RPA1: variants seen among roughly 807,000 people sequenced by gnomAD.
The protein encoded by RPA1 is replication protein A1, also known as replication protein A 70 kDa DNA-binding subunit.
RPA1 carries 49 observed loss-of-function variants against 83.0 expected under a neutral mutation model. The observed-to-expected ratio is 0.59, with a 90% CI of 0.47 to 0.75. The LOEUF is 0.75. RPA1 is among the 30% of genes least tolerant of loss of function. The pLI is 0.00. For synonymous variants in RPA1, 279 were observed against 281.8 expected (o/e 0.99, Z 0.10); for missense variants, 693 against 776.1 (o/e 0.89, Z 1.27).
In RPA1 at chr17:1,879,045, T is replaced by G. The variant is rs1477071199; in HGVS notation, c.743T>G (p.Leu248Arg). The G allele has an allele frequency of 6.2e-7, 1 of 1,614,178 alleles. No individual in the cohort carries two copies. Among genetic ancestry groups the G allele is most frequent in the Admixed American group, 1.7e-5 (1 of 60,020 alleles). ...FNEQVDKFFP[L>R]IEVNKVYYFS... is the part of the protein sequence containing the mutation. Reference sequence around the variant, plus strand: ...GAGCAAGTGGACAAGTTCTTTCCTCTTATTGAAGTGAACAAGGTATGGCCG... The same window carrying G: ...GAGCAAGTGGACAAGTTCTTTCCTCGTATTGAAGTGAACAAGGTATGGCCG... The change falls in exon 9 of 17, where the codon CTT becomes CGT. Residue 248 changes from leucine (L) to arginine (R), a missense_variant. Leu to Arg is a moderately radical substitution (Grantham distance 102). Coordinates refer to ENST00000254719, the MANE Select transcript of RPA1 (RefSeq NM_002945.5).
intron 15 of RPA1, among the ~76,000 whole-genome samples, chr17:1,894,582 A>C (rs1382298208): frequency 3.3e-5 from 5 of 152,208 alleles, no homozygotes; most frequent in Admixed American, 2.0e-4. Context: ...GGCGTTAGGT[A>C]CATTCACATT....
chr17:1,885,140 A>C (rs1014844084), intron 13 of RPA1, among the ~76,000 whole-genome samples: 2 of 152,196 alleles, frequency 1.3e-5, no homozygotes, highest in African/African-American at 2.4e-5. Flanking sequence ...TTATCAGCCA[A>C]GCTTATGCAA....
chr17:1,863,019 A>G (rs1212899469), intron 5 of RPA1, among the ~76,000 whole-genome samples: 2 of 147,306 alleles, frequency 1.4e-5, no homozygotes, highest in African/African-American at 5.0e-5. Flanking sequence ...TGCCCGGCCA[A>G]GATTTATTTA....
At chr17:1,863,244 C>T (rs1913054157) in intron 5 of RPA1, among the ~76,000 whole-genome samples, 1 of 128,182 alleles carries the variant, frequency 7.8e-6, no homozygotes, top group Admixed American at 7.8e-5. Context: ...ACGAGTCTCA[C>T]TCTGTCACCC....
chr17:1,834,247 G>A (rs1911725090), intron 1 of RPA1, among the ~76,000 whole-genome samples: 1 of 152,080 alleles, frequency 6.6e-6, no homozygotes, highest in Non-Finnish European at 1.5e-5. Flanking sequence ...TTTAGAGATG[G>A]GGTCTCACTC....
At chr17:1,835,064 C>G (rs1346046244) in intron 1 of RPA1, among the ~76,000 whole-genome samples, 4 of 152,074 alleles carry the variant, frequency 2.6e-5, no homozygotes, top group Admixed American at 1.3e-4. Context: ...GTTGTCCAGG[C>G]TGGTCTTGAA....
At chr17:1,875,552 T>A in intron 6 of RPA1, 109 bp from the exon 7 acceptor site, 1 of 1,183,068 alleles carries the variant, frequency 8.5e-7, no homozygotes, top group South Asian at 1.6e-5. Context: ...TCTCATGTTA[T>A]ATGATTTCAC....
Position 1,833,688 on chromosome 17 carries a change from C to T in RPA1, c.33+3562C>T, listed in dbSNP as rs1911705391. Among the ~76,000 whole-genome samples the T allele has an allele frequency of 4.0e-5, 6 of 151,450 alleles. No individual in the cohort carries two copies. The South Asian group carries it at 1.3e-3, about 32-fold the overall frequency. On this transcript the variant is annotated intron_variant, in intron 1 of 16. Coordinates refer to ENST00000254719, the MANE Select transcript of RPA1 (RefSeq NM_002945.5). Reference sequence around the variant, plus strand: ...TGGCCAACATGGAGAAACTCTGTCTCTATTAGAAATACAAAATTAGCCAGG... The same window carrying T: ...TGGCCAACATGGAGAAACTCTGTCTTTATTAGAAATACAAAATTAGCCAGG...
At chr17:1,849,572 G>A (rs898386035) in intron 4 of RPA1, among the ~76,000 whole-genome samples, 3 of 151,200 alleles carry the variant, frequency 2.0e-5, no homozygotes, top group African/African-American at 7.3e-5. Flanking sequence ...GATTACAGGC[G>A]TGAGCCACCG....
At chr17:1,844,424 C>T (rs1361755514) in intron 3 of RPA1, among the ~76,000 whole-genome samples, 154 bp from the exon 4 acceptor site, 2 of 152,130 alleles carry the variant, frequency 1.3e-5, no homozygotes, top group African/African-American at 4.8e-5. Context: ...TAACAGGCAG[C>T]AAAATACACA....
intron 5 of RPA1, among the ~76,000 whole-genome samples, chr17:1,859,645 C>G (rs550647259): frequency 1.3e-5 from 2 of 151,976 alleles, no homozygotes; most frequent in East Asian, 3.9e-4. Flanking sequence ...TTTTTTCTCT[C>G]CTAGAGACAA....
At chr17:1,855,958 G>T (rs73284325) in intron 5 of RPA1, among the ~76,000 whole-genome samples, 1,875 of 152,136 alleles carry the variant, frequency 0.012, 53 homozygotes, top group African/African-American at 0.043. Context: ...TTAAGTTCTT[G>T]AATTTATTAG....
intron 6 of RPA1, among the ~76,000 whole-genome samples, chr17:1,874,373 G>A (rs1313493030): frequency 1.3e-5 from 2 of 152,104 alleles, no homozygotes; most frequent in East Asian, 3.9e-4. Context: ...GGGCGTGGTG[G>A]TGCACACCTA....
At chr17:1,832,028 A>G (rs764430234) in intron 1 of RPA1, among the ~76,000 whole-genome samples, 12 of 149,214 alleles carry the variant, frequency 8.0e-5, no homozygotes, top group Non-Finnish European at 1.8e-4. Flanking sequence ...TTCTGGGTTC[A>G]GGCAGTTCTC....
At chr17:1,832,092 G>A (rs1390491170) in intron 1 of RPA1, among the ~76,000 whole-genome samples, 1 of 151,342 alleles carries the variant, frequency 6.6e-6, no homozygotes, top group Admixed American at 6.6e-5. Flanking sequence ...CCACACCTGC[G>A]TAATTTTTTG....
chr17:1,865,872 C>T (rs909193520), intron 5 of RPA1, among the ~76,000 whole-genome samples: 9 of 152,094 alleles, frequency 5.9e-5, no homozygotes, highest in Admixed American at 4.6e-4. Context: ...TGGGCTCAAG[C>T]GATTCTCCCA....
Position 1,888,682 on chromosome 17 carries a change from A to C in RPA1, c.1382A>C (p.Tyr461Ser), listed in dbSNP as rs1262499877. Reference protein sequence around the residue: ...ENLGQGDKPDYFSSVATVVYL... With the variant: ...ENLGQGDKPDSFSSVATVVYL... ...TGTTCTTTTCTCCCGAAGCCGGACT[A>C]CTTTAGTTCTGTGGCCACAGTGGTG... is the stretch of plus-strand genomic sequence containing the variant. The change falls in exon 14 of 17, where the codon TAC becomes TCC. Residue 461 changes from tyrosine to serine, a missense_variant. Tyr to Ser is a moderately radical substitution (Grantham distance 144, BLOSUM62 -2). Coordinates refer to ENST00000254719, the MANE Select transcript of RPA1 (RefSeq NM_002945.5). 6.2e-7 allele frequency: 1 copy of C among 1,613,042 alleles called. No homozygotes were observed. Among genetic ancestry groups the C allele is most frequent in the South Asian group, 1.1e-5 (1 of 91,014 alleles).
chr17:1,880,123 C>T (rs1913730419), intron 11 of RPA1, among the ~76,000 whole-genome samples: 1 of 150,002 alleles, frequency 6.7e-6, no homozygotes, highest in Non-Finnish European at 1.5e-5. Flanking sequence ...TCAGCACACA[C>T]AGGAGGAGCT....
At chr17:1,834,656 T>C (rs1294481226) in intron 1 of RPA1, among the ~76,000 whole-genome samples, 1 of 152,198 alleles carries the variant, frequency 6.6e-6, no homozygotes, top group Non-Finnish European at 1.5e-5. Context: ...ATCTTAATTA[T>C]ATAACGAAAG....
Sources: gnomAD v4.1 joint callset for allele counts (sites outside exome capture counted in the v4.1 genomes callset) on GRCh38, gnomAD v4.1.1 for gene constraint, MANE v1.5 for transcripts, NCBI Gene and HGNC (gene_info 2026-07-23, HGNC 2026-07-21) for gene names.